The following EGFLAM variants were observed in gnomAD, a reference collection of about 807,000 sequenced individuals.
EGFLAM encodes the protein EGF like, fibronectin type III and laminin G domains.
EGFLAM carries 79 observed loss-of-function variants against 113.1 expected under a neutral mutation model. The observed-to-expected ratio is 0.70, with a 90% CI of 0.58 to 0.84. The LOEUF (loss-of-function observed/expected upper bound fraction) is 0.84, where lower values mean the gene tolerates loss of function less well. EGFLAM is among the 40% of genes least tolerant of loss of function. The probability of loss-of-function intolerance (pLI) is 0.00; values close to 1 mark genes in which losing one functional copy is unlikely to be tolerated. For synonymous variants in EGFLAM, 504 were observed against 487.6 expected (o/e 1.03, Z -0.44); for missense variants, 1,265 against 1,291.6 (o/e 0.98, Z 0.32).
intron 6 of EGFLAM, 72 bp downstream of exon 6, chr5:38,370,534 A>T: frequency 6.6e-7 from 1 of 1,524,320 alleles, no homozygotes; most frequent in Non-Finnish European, 8.9e-7. Context: ...GACTCACTTG[A>T]CCTGGATGCC....
intron 1 of EGFLAM, among the ~76,000 whole-genome samples, chr5:38,337,242 G>GA (rs1240719223): frequency 2.8e-4 from 42 of 152,094 alleles, no homozygotes; most frequent in Admixed American, 2.6e-3. Context: ...ATGCTACCCT[G>GA]AATCTCCCTT....
chr5:38,371,595 C>A (rs73749215), intron 6 of EGFLAM, among the ~76,000 whole-genome samples: 2,269 of 151,938 alleles, frequency 0.015, 51 homozygotes, highest in African/African-American at 0.048. Context: ...AGGCTATACT[C>A]CAAAACACAC....
chr5:38,403,684 A>T, intron 6 of EGFLAM: 2 of 1,280,928 alleles, frequency 1.6e-6, no homozygotes, highest in Non-Finnish European at 2.1e-6. Flanking sequence ...TGAATTGTTT[A>T]TTTCTGGAAT....
At chr5:38,452,471 C>A (rs1475800870) in intron 19 of EGFLAM, among the ~76,000 whole-genome samples, 1 of 152,158 alleles carries the variant, frequency 6.6e-6, no homozygotes, top group Non-Finnish European at 1.5e-5. Flanking sequence ...TGCCCTTGTT[C>A]TAGTGTGTTA....
In EGFLAM at chr5:38,383,706, A is replaced by G. The variant is rs561500573; in HGVS notation, c.712+13244A>G. Among the ~76,000 whole-genome samples the G allele has an allele frequency of 3.3e-5, 5 of 152,308 alleles. No homozygotes were observed. The South Asian group carries it at 6.2e-4, about 19-fold the overall frequency. On this transcript the variant is annotated intron_variant, in intron 6 of 21. Coordinates refer to ENST00000322350, the MANE Select transcript of EGFLAM (RefSeq NM_152403.4). ...TACATAAATAATATCATCAGTAATG[A>G]TAAGTGTCAAGAGGAAAAGTGAAGG...
intron 3 of EGFLAM, among the ~76,000 whole-genome samples, chr5:38,349,681 G>A (rs1739562794): frequency 6.6e-6 from 1 of 151,720 alleles, no homozygotes; most frequent in African/African-American, 2.4e-5. Context: ...TAGCTTTGGG[G>A]ACACACCACT....
chr5:38,324,977 C>T (rs1738838764), intron 1 of EGFLAM, among the ~76,000 whole-genome samples: 1 of 152,152 alleles, frequency 6.6e-6, no homozygotes, highest in Non-Finnish European at 1.5e-5. Flanking sequence ...ATGATGAATT[C>T]AGTTCTGTTA....
chr5:38,353,697 T>C, intron 5 of EGFLAM, among the ~76,000 whole-genome samples: 1 of 152,208 alleles, frequency 6.6e-6, no homozygotes, highest in Non-Finnish European at 1.5e-5. Context: ...CTCCTGTAAC[T>C]GAAAAGTCCA....
intron 5 of EGFLAM, among the ~76,000 whole-genome samples, chr5:38,366,697 G>A (rs1365022098): frequency 1.3e-5 from 2 of 152,210 alleles, no homozygotes; most frequent in Admixed American, 1.3e-4. Flanking sequence ...GGTAGAATGA[G>A]AGACTGGATC....
At chr5:38,350,241 A>G (rs1050746008) in intron 3 of EGFLAM, among the ~76,000 whole-genome samples, 14 of 152,178 alleles carry the variant, frequency 9.2e-5, no homozygotes, top group Non-Finnish European at 1.8e-4. Flanking sequence ...GTTCACAGTA[A>G]CATTTGCTAG....
chr5:38,362,619 C>T (rs1739953371), intron 5 of EGFLAM, among the ~76,000 whole-genome samples: 1 of 152,112 alleles, frequency 6.6e-6, no homozygotes, highest in Non-Finnish European at 1.5e-5. Context: ...AATGAGCTTG[C>T]TTGGATGTCA....
intron 1 of EGFLAM, among the ~76,000 whole-genome samples, chr5:38,263,137 T>C (rs1757544105): frequency 6.6e-6 from 1 of 152,248 alleles, no homozygotes; most frequent in Non-Finnish European, 1.5e-5. Flanking sequence ...TTTGGTGAAA[T>C]CTTTGTTTAA....
rs189876861 is a variant in EGFLAM at position 38,304,505 on chromosome 5, G to A, written c.98-33015G>A. On this transcript the variant is annotated intron_variant, in intron 1 of 21. Coordinates refer to ENST00000322350, the MANE Select transcript of EGFLAM (RefSeq NM_152403.4). ...CTTCCCTGCTCAGTTCCCCTATTTA[G>A]GTCAGACTTGTTCCTTTAGGTAGGA... 3.3e-5 allele frequency among the ~76,000 whole-genome samples: 5 copies of A among 152,286 alleles called. No individual in the cohort carries two copies. The East Asian group carries it at 5.8e-4, about 18-fold the overall frequency.
At chr5:38,407,992 G>A (rs1286559754) in intron 9 of EGFLAM, 87 bp downstream of exon 9, 18 of 1,026,040 alleles carry the variant, frequency 1.8e-5, no homozygotes, top group Middle Eastern at 2.1e-4. Flanking sequence ...GAGAGGAAGC[G>A]GGGCAGCAGG....
chr5:38,438,289 C>T lies in EGFLAM; in HGVS notation c.2298C>T (p.Asp766=). 1 of 1,613,110 alleles carries T rather than the reference C, an allele frequency of 6.2e-7. No homozygotes were observed. Among genetic ancestry groups the T allele is most frequent in the Non-Finnish European group, 8.5e-7 (1 of 1,179,448 alleles). The change falls in exon 17 of 22, where the codon GAC becomes GAT. Residue 766 remains aspartate (D), a synonymous_variant. Transcript: ENST00000322350. ...TCTCTCTCAAGATCATCCTGAATGA[C>T]CGAACCATCCATGTGAAGCATGACT... ...SGSIQKIILN[D]RTIHVKHDFT...
intron 1 of EGFLAM, among the ~76,000 whole-genome samples, chr5:38,333,318 G>A (rs1271925960): frequency 6.6e-6 from 1 of 152,184 alleles, no homozygotes; most frequent in African/African-American, 2.4e-5. Flanking sequence ...TGTATATCCA[G>A]TAATGGGATT....
chr5:38,418,410 G>A (rs1036242329), intron 12 of EGFLAM, among the ~76,000 whole-genome samples, 155 bp downstream of exon 12: 3 of 152,344 alleles, frequency 2.0e-5, no homozygotes, highest in East Asian at 1.9e-4. Flanking sequence ...GGCCTCAGGG[G>A]TGAGGCTGGT....
At chr5:38,346,675 A>G (rs978391458) in intron 3 of EGFLAM, 4 of 150,552 alleles carry the variant, frequency 2.7e-5, no homozygotes, top group Non-Finnish European at 4.4e-5. Flanking sequence ...ATGACTTCCC[A>G]GGAGTAAAGG....
rs140084189 is a variant in EGFLAM at position 38,405,907 on chromosome 5, C to T, written c.713-219C>T. ...GTCTTGTCAGTATAAAATGGAAGCT[C>T]TTTCTGGTTTCAGTTGGAAATTCCT... is the stretch of plus-strand genomic sequence containing the variant. On this transcript the variant is annotated intron_variant, in intron 6 of 21. Coordinates refer to ENST00000322350, the MANE Select transcript of EGFLAM (RefSeq NM_152403.4). Among the ~76,000 whole-genome samples the T allele has an allele frequency of 4.1e-4, 62 of 152,276 alleles. 1 individual carries two copies. Among genetic ancestry groups the T allele is most frequent in the African/African-American group, 1.3e-3 (55 of 41,550 alleles).
Sources: allele counts gnomAD v4.1 joint callset (sites outside exome capture counted in the v4.1 genomes callset), GRCh38; gene constraint gnomAD v4.1.1; transcripts MANE v1.5; gene names NCBI Gene and HGNC (gene_info 2026-07-23, HGNC 2026-07-21).